EEFSEC: variants seen among roughly 807,000 people sequenced by gnomAD.
EEFSEC encodes the protein selenocysteine-specific elongation factor.
In EEFSEC, 43 loss-of-function variants were observed where a neutral mutation model predicts 42.1. The ratio of observed to expected loss-of-function variants is 1.02; its 90% CI spans 0.80 to 1.32. The LOEUF (loss-of-function observed/expected upper bound fraction) is 1.32, where lower values mean the gene tolerates loss of function less well. Ranked by LOEUF, EEFSEC falls within the 40% of genes most tolerant of loss-of-function variation. The pLI is 0.00. For missense variants in EEFSEC, 745 were observed against 803.6 expected (o/e 0.93, Z 0.88); for synonymous variants, 354 against 339.1 (o/e 1.04, Z -0.48).
intron 4 of EEFSEC, among the ~76,000 whole-genome samples, chr3:128,333,173 A>C (rs560622194): frequency 6.6e-6 from 1 of 152,374 alleles, no homozygotes; most frequent in South Asian, 2.1e-4. Context: ...AAAATGGATA[A>C]TAGAGGTCCA....
At chr3:128,214,485 AC>A (rs1407863021) in intron 1 of EEFSEC, among the ~76,000 whole-genome samples, 1 of 152,212 alleles carries the variant, frequency 6.6e-6, no homozygotes, top group Non-Finnish European at 1.5e-5. Flanking sequence ...AAAATTTTTG[AC>A]CTAAGAAAAA....
chr3:128,176,038 A>G (rs748760124), intron 1 of EEFSEC, among the ~76,000 whole-genome samples: 11 of 152,200 alleles, frequency 7.2e-5, no homozygotes, highest in Non-Finnish European at 1.5e-4. Context: ...CCAATGAGAT[A>G]AGCTAAATGT....
the EEFSEC span, among the ~76,000 whole-genome samples, chr3:128,420,285 A>T: frequency 7.9e-5 from 12 of 152,362 alleles, no homozygotes; most frequent in East Asian, 2.3e-3. Flanking sequence ...GATCATTTCA[A>T]TGCAGAGAAT....
chr3:128,313,564 G>A (rs922692946), intron 4 of EEFSEC, among the ~76,000 whole-genome samples: 5 of 152,204 alleles, frequency 3.3e-5, no homozygotes, highest in Non-Finnish European at 5.9e-5. Flanking sequence ...CCAGGACTCA[G>A]GCATGAGGAG....
At chr3:128,419,597 T>A in the EEFSEC span, among the ~76,000 whole-genome samples, 2 of 152,182 alleles carry the variant, frequency 1.3e-5, no homozygotes, top group African/African-American at 4.8e-5. Context: ...GCACTCAGCC[T>A]TATGTTTTCA....
At chr3:128,297,839 G>A (rs2066724069) in intron 4 of EEFSEC, among the ~76,000 whole-genome samples, 1 of 152,214 alleles carries the variant, frequency 6.6e-6, no homozygotes, top group African/African-American at 2.4e-5. Flanking sequence ...GTTCAAACTA[G>A]GTAGTTGTCT....
At chr3:128,423,922 G>A in the EEFSEC span, among the ~76,000 whole-genome samples, 4 of 152,326 alleles carry the variant, frequency 2.6e-5, no homozygotes, top group East Asian at 1.9e-4. Context: ...CCCTTGCAGC[G>A]GGTGGTTCAG....
chr3:128,255,719 T>A (rs562931611), intron 2 of EEFSEC, among the ~76,000 whole-genome samples: 2 of 151,502 alleles, frequency 1.3e-5, no homozygotes, highest in East Asian at 3.9e-4. Context: ...GAAGGAGAAA[T>A]TGGATGTTGA....
chr3:128,230,308 G>T (rs145769266), intron 1 of EEFSEC, among the ~76,000 whole-genome samples: 1 of 152,240 alleles, frequency 6.6e-6, no homozygotes, highest in African/African-American at 2.4e-5. Flanking sequence ...ACTGCACCTG[G>T]CTAATTTTTG....
intron 1 of EEFSEC, among the ~76,000 whole-genome samples, chr3:128,191,884 C>T (rs2065528755): frequency 6.6e-6 from 1 of 152,160 alleles, no homozygotes. Flanking sequence ...GTTGTTTCCA[C>T]CTTTTGCCTG....
chr3:128,170,142 C>T (rs987522865), intron 1 of EEFSEC, among the ~76,000 whole-genome samples: 3 of 152,168 alleles, frequency 2.0e-5, no homozygotes, highest in Non-Finnish European at 2.9e-5. Context: ...CCCCCCGCCC[C>T]GCCTCCCCCG....
chr3:128,385,338 G>A (rs1158547096), intron 6 of EEFSEC, among the ~76,000 whole-genome samples: 2 of 152,192 alleles, frequency 1.3e-5, no homozygotes, highest in African/African-American at 4.8e-5. Flanking sequence ...TGGTGTACAG[G>A]GACCATACAT....
At chr3:128,172,754 C>T (rs1243187834) in intron 1 of EEFSEC, among the ~76,000 whole-genome samples, 1 of 152,170 alleles carries the variant, frequency 6.6e-6, no homozygotes, top group Non-Finnish European at 1.5e-5. Context: ...TTATTTGATT[C>T]ATTGAGCATG....
At chr3:128,293,930 T>C (rs1341781775) in intron 4 of EEFSEC, among the ~76,000 whole-genome samples, 8 of 152,242 alleles carry the variant, frequency 5.3e-5, no homozygotes, top group Non-Finnish European at 1.0e-4. Flanking sequence ...ATATTTTTAG[T>C]GGTAGCAGTA....
chr3:128,177,354 T>A (rs1248285460), intron 1 of EEFSEC, among the ~76,000 whole-genome samples: 3 of 152,094 alleles, frequency 2.0e-5, no homozygotes, highest in Non-Finnish European at 4.4e-5. Flanking sequence ...TTTAAAGACT[T>A]GTTGGGGGTG....
intron 1 of EEFSEC, among the ~76,000 whole-genome samples, chr3:128,169,964 G>A (rs1047875272): frequency 3.4e-4 from 52 of 152,228 alleles, no homozygotes; most frequent in Non-Finnish European, 6.9e-4. Context: ...CGGTGGGGCA[G>A]GCGGCATATT....
intron 6 of EEFSEC, among the ~76,000 whole-genome samples, chr3:128,403,211 G>A (rs1338573891): frequency 6.6e-6 from 1 of 152,192 alleles, no homozygotes; most frequent in Non-Finnish European, 1.5e-5. Flanking sequence ...GCAGAGACAG[G>A]CCAGGTGTGC....
At chr3:128,297,419 T>C (rs1266040712) in intron 4 of EEFSEC, among the ~76,000 whole-genome samples, 2 of 152,104 alleles carry the variant, frequency 1.3e-5, no homozygotes, top group African/African-American at 4.8e-5. Flanking sequence ...GAAGGAGAGA[T>C]TAAAGAACCT....
At chr3:128,222,145 T>C (rs757395827) in intron 1 of EEFSEC, among the ~76,000 whole-genome samples, 2 of 148,616 alleles carry the variant, frequency 1.3e-5, no homozygotes, top group Non-Finnish European at 3.0e-5. Flanking sequence ...GCGATTCTCA[T>C]GCCCCAGCCT....
Sources: allele counts gnomAD v4.1 joint callset (sites outside exome capture counted in the v4.1 genomes callset), GRCh38; gene constraint gnomAD v4.1.1; transcripts MANE v1.5; gene names NCBI Gene and HGNC (gene_info 2026-07-23, HGNC 2026-07-21).